The following KCP variants were observed in gnomAD, a reference collection of about 807,000 sequenced individuals.
KCP encodes the protein kielin/chordin-like protein.
KCP carries 194 observed loss-of-function variants against 212.7 expected under a neutral mutation model. That is an observed-to-expected ratio of 0.91 (90% CI 0.81 to 1.03). The LOEUF is 1.03. Ranked by LOEUF, KCP falls within the 50% of genes least tolerant of loss-of-function variation. The probability of loss-of-function intolerance (pLI) is 0.00; values close to 1 mark genes in which losing one functional copy is unlikely to be tolerated. For missense variants in KCP, 2,080 were observed against 2,162.5 expected (o/e 0.96, Z 0.76); for synonymous variants, 833 against 865.3 (o/e 0.96, Z 0.65).
intron 24 of KCP, 28 bp downstream of exon 24, chr7:128,886,846 TGG>T: frequency 1.4e-6 from 2 of 1,411,060 alleles, no homozygotes; most frequent in Non-Finnish European, 1.9e-6. Context: ...GGGAAGGGCA[TGG>T]GGGCCGCGCA....
chr7:128,895,202 TAC>T (rs774656759), intron 8 of KCP, among the ~76,000 whole-genome samples: 3 of 152,168 alleles, frequency 2.0e-5, no homozygotes, highest in African/African-American at 7.2e-5. Context: ...AGGAAACTCA[TAC>T]AGATACATAA....
chr7:128,879,319 T>C, intron 37 of KCP: 1 of 570,748 alleles, frequency 1.8e-6, no homozygotes. Flanking sequence ...AGATTAGAAA[T>C]CGGGCTCAGA....
chr7:128,891,231 A>G lies in KCP; in HGVS notation c.1926T>C (p.Cys642=). ...CLARRCVPLP[C]PEPVLLPGEC... Reference sequence around the variant, plus strand: ...CTCCCGGCAGCAGGACAGGCTCTGGACAGGGCAGCGGCACGCAGCGGCGGG... The same window carrying G: ...CTCCCGGCAGCAGGACAGGCTCTGGGCAGGGCAGCGGCACGCAGCGGCGGG... The change falls in exon 19 of 40, where the codon TGT becomes TGC. Residue 642 remains cysteine (C), a synonymous_variant. Transcript: ENST00000610776. 1 of 1,546,410 alleles carries G rather than the reference A, an allele frequency of 6.5e-7. No individual in the cohort carries two copies.
intron 5 of KCP, among the ~76,000 whole-genome samples, chr7:128,904,966 G>A (rs1043808596): frequency 9.4e-5 from 14 of 149,718 alleles, no homozygotes; most frequent in Non-Finnish European, 1.6e-4. Context: ...TGGCCCTGAG[G>A]CACCACGTGC....
intron 1 of KCP, 109 bp from the exon 2 acceptor site, chr7:128,908,677 C>A (rs1204585086): frequency 3.3e-6 from 4 of 1,206,678 alleles, no homozygotes; most frequent in Non-Finnish European, 4.5e-6. Context: ...TCCTGTGCAC[C>A]CTGCCCTCTC....
rs1210406900 is a variant in KCP at position 128,903,770 on chromosome 7, T to C, written c.705A>G (p.Pro235=). The change falls in exon 7 of 40, where the codon CCA becomes CCG. Residue 235 remains proline (P), a synonymous_variant. Coordinates refer to ENST00000610776, the MANE Select transcript of KCP (RefSeq NM_001366122.1). ...MALKCPPSPC[P]EPVLRPGHCC... is the part of the protein sequence containing the mutation. ...AGTGCCCAGGCCTCAGCACTGGCTC[T>C]GGGCAGGGGCTAGGCGGGCACTTCA... is the stretch of plus-strand genomic sequence containing the variant. The C allele has an allele frequency of 2.0e-6, 3 of 1,516,826 alleles. No individual in the cohort carries two copies. The highest frequency in any genetic ancestry group is 1.4e-5 in the African/African-American group (1 of 70,210). The allele number at this position is 1,516,826 out of a possible 1,614,324, so 94.0% of individuals were successfully genotyped here.
In KCP at chr7:128,877,270, A is replaced by G; in HGVS notation, c.4660T>C (p.Cys1554Arg). 1 of 1,503,792 alleles carries G rather than the reference A, an allele frequency of 6.6e-7. No homozygotes were observed. Among genetic ancestry groups the G allele is most frequent in the Non-Finnish European group, 8.9e-7 (1 of 1,128,802 alleles). The allele number at this position is 1,503,792 out of a possible 1,614,324, so 93.2% of individuals were successfully genotyped here. ...CAGGTGCGGGGACAGGGTGGGCCGC[A>G]CTCATCAAACACGAAGCCACGCTCC... ...PLERGFVFDE[C>R]GPPCPRTCFN... Residue 1554 changes from cysteine (C) to arginine (R), a missense_variant, in exon 40 of 40, where the codon TGC becomes CGC. Transcript: ENST00000610776.
chr7:128,907,621 G>A (rs1404687603), intron 2 of KCP, among the ~76,000 whole-genome samples, 168 bp from the exon 3 acceptor site: 3 of 152,204 alleles, frequency 2.0e-5, no homozygotes, highest in Non-Finnish European at 2.9e-5. Flanking sequence ...CCATTCTCAG[G>A]GGGGCACGGG....
intron 22 of KCP, 74 bp from the exon 23 acceptor site, chr7:128,887,374 T>TC: frequency 9.0e-7 from 1 of 1,107,210 alleles, no homozygotes; most frequent in Admixed American, 2.0e-5. Flanking sequence ...ACACAGCCCC[T>TC]CCCCCTCCAC....
chr7:128,881,648 C>T lies in KCP; in HGVS notation c.3402G>A (p.Gly1134=). The T allele has an allele frequency of 6.6e-7, 1 of 1,510,032 alleles. No individual in the cohort carries two copies. The highest frequency in any genetic ancestry group is 8.8e-7 in the Non-Finnish European group (1 of 1,135,232). 93.5% of individuals were successfully genotyped at this position (1,510,032 alleles called of 1,614,324 possible). ...TACCCCGGCATACGGGGCAGCAGCT[C>T]CCAGGGGGAGTGTGGCGCTCTGAGA... The part of the protein sequence containing the change: ...CPLSERHTPP[G]SCCPVCRECV... Residue 1134 remains glycine (G), a synonymous_variant, in exon 31 of 40, where the codon GGG becomes GGA. Coordinates refer to ENST00000610776, the MANE Select transcript of KCP (RefSeq NM_001366122.1).
At chr7:128,888,347 CATACACAG>C (rs1400153257) in intron 22 of KCP, among the ~76,000 whole-genome samples, 10 of 92,320 alleles carry the variant, frequency 1.1e-4, no homozygotes, top group Non-Finnish European at 2.1e-4. Flanking sequence ...CACACACACA[CATACACAG>C]ATACACCCAA....
chr7:128,877,265 G>T lies in KCP; in HGVS notation c.4665C>A (p.Gly1555=). The T allele has an allele frequency of 6.7e-7, 1 of 1,501,626 alleles. No homozygotes were observed. Among genetic ancestry groups the T allele is most frequent in the South Asian group, 1.3e-5 (1 of 76,288 alleles). 93.0% of individuals were successfully genotyped at this position (1,501,626 alleles called of 1,614,324 possible). A position where few individuals can be genotyped will look rare whatever the true frequency, so the allele number is the denominator to read the frequency against. Residue 1555 remains glycine (G), a synonymous_variant, in exon 40 of 40, where the codon GGC becomes GGA. Transcript: ENST00000610776. ...TGAAGCAGGTGCGGGGACAGGGTGG[G>T]CCGCACTCATCAAACACGAAGCCAC... ...LERGFVFDEC[G]PPCPRTCFNQ...
chr7:128,890,843 C>T, intron 20 of KCP, 62 bp downstream of exon 20: 2 of 1,190,512 alleles, frequency 1.7e-6, no homozygotes, highest in Non-Finnish European at 2.1e-6. Context: ...GGGCAGGGCG[C>T]TCCGGGGCGG....
rs538963633 is a variant in KCP, at chr7:128,877,190, G to A, written c.4740C>T (p.Cys1580=). 14 of 1,485,514 alleles carry A rather than the reference G, an allele frequency of 9.4e-6. No individual in the cohort carries two copies. The highest frequency in any genetic ancestry group is 7.5e-5 in the East Asian group (3 of 40,220). 92.0% of individuals were successfully genotyped at this position (1,485,514 alleles called of 1,614,324 possible). A position where few individuals can be genotyped will look rare whatever the true frequency, so the allele number is the denominator to read the frequency against. ...CTGCAGGGCACTGGCAGCCGGGCAC[G>A]CAGGGCCTCACGCAGTGGGCTGCCA... ...GELAAHCVRP[C]VPGCQCPAGL... Residue 1580 remains cysteine, a synonymous_variant, in exon 40 of 40, where the codon TGC becomes TGT. Coordinates refer to ENST00000610776, the MANE Select transcript of KCP (RefSeq NM_001366122.1).
intron 1 of KCP, among the ~76,000 whole-genome samples, chr7:128,909,297 C>G (rs950625482): frequency 6.6e-6 from 1 of 152,130 alleles, no homozygotes; most frequent in Non-Finnish European, 1.5e-5. Flanking sequence ...GCAATAGGAA[C>G]AGAGAGAGGA....
In KCP at chr7:128,904,128, A is replaced by G. The variant is rs572889012; in HGVS notation, c.582T>C (p.Tyr194=). Residue 194 remains tyrosine, a synonymous_variant, in exon 6 of 40, where the codon TAT becomes TAC. Coordinates refer to ENST00000610776, the MANE Select transcript of KCP (RefSeq NM_001366122.1). The part of the protein sequence containing the change: ...CCPHCKPGCD[Y]EGQLYEEGVT... ...CCCCCTCCTCATAAAGCTGCCCCTC[A>G]TAATCACAGCCTGGGAAGGTTGGCA... The G allele has an allele frequency of 3.2e-6, 5 of 1,551,732 alleles. No homozygotes were observed. Among genetic ancestry groups the G allele is most frequent in the Non-Finnish European group, 4.4e-6 (5 of 1,146,956 alleles).
At position 128,891,221 on chromosome 7, in the gene KCP, C is replaced by T; in HGVS notation, c.1936G>A (p.Val646Ile). ...RCVPLPCPEP[V>I]LLPGECCPQC... ...GGGCAGCACTCTCCCGGCAGCAGGA[C>T]AGGCTCTGGACAGGGCAGCGGCACG... is the stretch of plus-strand genomic sequence containing the variant. Residue 646 changes from valine to isoleucine, a missense_variant, in exon 19 of 40, where the codon GTC becomes ATC. By Grantham distance (29) the Val-to-Ile change is conservative. Coordinates refer to ENST00000610776, the MANE Select transcript of KCP (RefSeq NM_001366122.1). 1 of 1,545,844 alleles carries T rather than the reference C, an allele frequency of 6.5e-7. No homozygotes were observed. Among genetic ancestry groups the T allele is most frequent in the Non-Finnish European group, 8.7e-7 (1 of 1,146,610 alleles).
Position 128,886,919 on chromosome 7 carries a change from G to T in KCP, c.2646C>A (p.Cys882Ter). The stretch of plus-strand genomic sequence containing the variant: ...AGCAGGGGCCTGGAGAGGGGTGGGG[G>T]CAGAGAGCTGGGGGACATGGCTTCT... ...CQKKPCPPAL[C>*]PHPSPGPCFC... is the part of the protein sequence containing the mutation. The change falls in exon 24 of 40, where the codon TGC (cysteine) becomes TGA (stop). Residue 882 changes from cysteine to a stop codon, truncating the protein, a stop_gained. Coordinates refer to ENST00000610776, the MANE Select transcript of KCP (RefSeq NM_001366122.1). LOFTEE classifies it high-confidence loss of function. 6.5e-7 allele frequency: 1 copy of T among 1,529,564 alleles called. No homozygotes were observed. Among genetic ancestry groups the T allele is most frequent in the South Asian group, 1.2e-5 (1 of 82,352 alleles). 94.7% of individuals were successfully genotyped at this position (1,529,564 alleles called of 1,614,324 possible).
chr7:128,880,062 A>G lies in KCP; in HGVS notation c.3783T>C (p.Pro1261=), dbSNP rs1368026639. 1 of 1,546,052 alleles carries G rather than the reference A, an allele frequency of 6.5e-7. No homozygotes were observed. Among genetic ancestry groups the G allele is most frequent in the South Asian group, 1.2e-5 (1 of 83,766 alleles). ...CGPDKAPALS[P]GSCCPRCLPR... The stretch of plus-strand genomic sequence containing the variant: ...GCAGGCAGCGGGGGCAGCAGCTGCC[A>G]GGACTCAGGGCAGGGGCCTTGTCCT... Residue 1261 remains proline, a synonymous_variant, in exon 35 of 40, where the codon CCT becomes CCC. Coordinates refer to ENST00000610776, the MANE Select transcript of KCP (RefSeq NM_001366122.1).
Sources: gnomAD v4.1 joint callset for allele counts (sites outside exome capture counted in the v4.1 genomes callset) on GRCh38, gnomAD v4.1.1 for gene constraint, MANE v1.5 for transcripts, NCBI Gene and HGNC (gene_info 2026-07-23, HGNC 2026-07-21) for gene names.